The following RBFOX1 variants were observed in gnomAD, a reference collection of about 807,000 sequenced individuals.
The protein encoded by RBFOX1 is RNA binding protein fox-1 homolog 1.
Under a neutral mutation model 57.7 loss-of-function variants are expected in RBFOX1, and 8 were observed. That is an observed-to-expected ratio of 0.14 (90% CI 0.08 to 0.25). RBFOX1 has a LOEUF of 0.25. Ranked by LOEUF, RBFOX1 falls within the 10% of genes least tolerant of loss-of-function variation. The probability of loss-of-function intolerance (pLI) is 1.00; values close to 1 mark genes in which losing one functional copy is unlikely to be tolerated. For synonymous variants in RBFOX1, 326 were observed against 222.4 expected, an observed-to-expected ratio of 1.47 and a Z score of -4.15; for missense variants, 611 against 548.5, an observed-to-expected ratio of 1.11 and a Z score of -1.14.
chr16:7,428,585 G>A (rs958093835), intron 4 of RBFOX1, among the ~76,000 whole-genome samples: 1 of 149,980 alleles, frequency 6.7e-6, no homozygotes, highest in Non-Finnish European at 1.5e-5. Context: ...TGGCCAGGCT[G>A]GTATCAAACT....
chr16:7,203,591 C>T (rs1203945873), intron 4 of RBFOX1, among the ~76,000 whole-genome samples: 2 of 152,118 alleles, frequency 1.3e-5, no homozygotes, highest in African/African-American at 2.4e-5. Context: ...AGAGGTGGGC[C>T]GTGCCCAGGA....
chr16:7,669,521 C>G (rs1000988527), intron 13 of RBFOX1, among the ~76,000 whole-genome samples: 2 of 152,108 alleles, frequency 1.3e-5, no homozygotes, highest in African/African-American at 2.4e-5. Context: ...TAAGAACATC[C>G]TAAGCGTCCT....
At position 6,854,069 on chromosome 16, in the gene RBFOX1, C is replaced by T. The variant is rs529762507; in HGVS notation, c.-15-197988C>T. Among the ~76,000 whole-genome samples the T allele has an allele frequency of 2.0e-5, 3 of 152,208 alleles. No individual in the cohort carries two copies. The East Asian group carries it at 5.8e-4, about 29-fold the overall frequency. On this transcript the variant is annotated intron_variant, in intron 3 of 15. Coordinates refer to ENST00000550418, the MANE Select transcript of RBFOX1 (RefSeq NM_018723.4). ...TAAGTCTTTGTTCCTTCCAGAAATC[C>T]TATTTATTTAAAGCTGAGTGTGATA...
intron 2 of RBFOX1, among the ~76,000 whole-genome samples, chr16:6,514,204 G>A (rs1285104190): frequency 1.3e-5 from 2 of 152,162 alleles, no homozygotes; most frequent in African/African-American, 4.8e-5. Flanking sequence ...CCATCCTTTG[G>A]GGATGCTCTC....
intron 3 of RBFOX1, among the ~76,000 whole-genome samples, chr16:6,893,626 C>A (rs544463080): frequency 6.6e-6 from 1 of 152,108 alleles, no homozygotes; most frequent in African/African-American, 2.4e-5. Flanking sequence ...AAAAGGAGAA[C>A]AAAAGCCCTG....
At chr16:6,021,379 G>A (rs1202029769) in intron 1 of RBFOX1, among the ~76,000 whole-genome samples, 1 of 152,068 alleles carries the variant, frequency 6.6e-6, no homozygotes, top group African/African-American at 2.4e-5. Flanking sequence ...AGAGGGCCTG[G>A]ATTCTTTCAA....
chr16:7,707,466 T>C (rs1471208928), intron 14 of RBFOX1, among the ~76,000 whole-genome samples: 1 of 152,004 alleles, frequency 6.6e-6, no homozygotes, highest in Non-Finnish European at 1.5e-5. Flanking sequence ...GAGCTGAAGG[T>C]TGATAATACA....
chr16:7,285,063 A>C (rs1276652061), intron 4 of RBFOX1, among the ~76,000 whole-genome samples: 1 of 116,320 alleles, frequency 8.6e-6, no homozygotes. Context: ...TTTGCTATCT[A>C]TAGATTCCTT....
intron 3 of RBFOX1, among the ~76,000 whole-genome samples, chr16:6,944,945 A>C (rs554134263): frequency 1.3e-5 from 2 of 152,238 alleles, no homozygotes; most frequent in African/African-American, 4.8e-5. Context: ...CAGTCTGAAA[A>C]GTGGCTGACT....
At chr16:7,007,562 A>C (rs1238825063) in intron 3 of RBFOX1, among the ~76,000 whole-genome samples, 1 of 152,134 alleles carries the variant, frequency 6.6e-6, no homozygotes, top group African/African-American at 2.4e-5. Flanking sequence ...AAATTTGCCT[A>C]CTGTACATTG....
At chr16:7,179,068 A>G (rs889211667) in intron 4 of RBFOX1, among the ~76,000 whole-genome samples, 2 of 152,112 alleles carry the variant, frequency 1.3e-5, no homozygotes, top group African/African-American at 4.8e-5. Context: ...CTTTAATCTG[A>G]TGCATAATTA....
At chr16:7,545,577 C>A (rs1045427058) in intron 5 of RBFOX1, among the ~76,000 whole-genome samples, 1 of 152,132 alleles carries the variant, frequency 6.6e-6, no homozygotes, top group Non-Finnish European at 1.5e-5. Flanking sequence ...AATGCTACTG[C>A]GGCTGTTTTA....
chr16:7,105,357 G>A (rs1410502926), intron 4 of RBFOX1, among the ~76,000 whole-genome samples: 3 of 150,842 alleles, frequency 2.0e-5, no homozygotes, highest in African/African-American at 7.3e-5. Context: ...TAGGTTTCGG[G>A]GAACGGGTGG....
intron 2 of RBFOX1, among the ~76,000 whole-genome samples, chr16:5,557,926 G>C (rs913078864): frequency 6.6e-5 from 10 of 152,188 alleles, no homozygotes; most frequent in Non-Finnish European, 1.0e-4. Flanking sequence ...AATGACAGTG[G>C]AACAACGTGG....
At chr16:7,502,527 C>G (rs1293158399) in intron 4 of RBFOX1, among the ~76,000 whole-genome samples, 1 of 152,116 alleles carries the variant, frequency 6.6e-6, no homozygotes, top group Non-Finnish European at 1.5e-5. Flanking sequence ...TGAAAAGGGG[C>G]TGAAGAAGAA....
At chr16:6,371,687 G>A (rs373241132) in intron 2 of RBFOX1, among the ~76,000 whole-genome samples, 5 of 152,010 alleles carry the variant, frequency 3.3e-5, no homozygotes, top group Non-Finnish European at 7.4e-5. Flanking sequence ...ACAAAGTTCT[G>A]GGCGATTATG....
chr16:6,539,753 G>A (rs568249105), intron 2 of RBFOX1, among the ~76,000 whole-genome samples: 5 of 150,894 alleles, frequency 3.3e-5, no homozygotes, highest in South Asian at 2.1e-4. Context: ...AGCTGAGATC[G>A]TGCCACTGCA....
chr16:6,436,960 G>A (rs942584174), intron 2 of RBFOX1, among the ~76,000 whole-genome samples: 5 of 152,094 alleles, frequency 3.3e-5, no homozygotes, highest in Admixed American at 6.6e-5. Flanking sequence ...ATCCCTTGCA[G>A]GCCCAGAATC....
intron 3 of RBFOX1, among the ~76,000 whole-genome samples, chr16:6,896,948 A>G (rs1305435577): frequency 6.6e-6 from 1 of 152,168 alleles, no homozygotes; most frequent in Non-Finnish European, 1.5e-5. Context: ...CTCTGCCACA[A>G]CTCAGAATGC....
Sources: gnomAD v4.1 joint callset for allele counts (sites outside exome capture counted in the v4.1 genomes callset) on GRCh38, gnomAD v4.1.1 for gene constraint, MANE v1.5 for transcripts, NCBI Gene and HGNC (gene_info 2026-07-23, HGNC 2026-07-21) for gene names.